The following PDE4D variants were observed in gnomAD, a reference collection of about 807,000 sequenced individuals.
PDE4D encodes phosphodiesterase 4D, also known as 3',5'-cyclic-AMP phosphodiesterase 4D.
PDE4D carries 24 observed loss-of-function variants against 87.4 expected under a neutral mutation model. The observed-to-expected ratio is 0.27, with a 90% CI of 0.20 to 0.39. The LOEUF (loss-of-function observed/expected upper bound fraction) is 0.39. Among genes scored for constraint, PDE4D ranks in the 10% least tolerant of loss-of-function variants. The probability of loss-of-function intolerance (pLI) is 1.00; values close to 1 mark genes in which losing one functional copy is unlikely to be tolerated. For missense variants in PDE4D, 714 were observed against 1,041.0 expected, an observed-to-expected ratio of 0.69 and a Z score of 4.32; for synonymous variants, 384 against 383.2, an observed-to-expected ratio of 1.00 and a Z score of -0.02.
At chr5:59,266,347 T>A (rs1762859700) in intron 1 of PDE4D, among the ~76,000 whole-genome samples, 1 of 151,932 alleles carries the variant, frequency 6.6e-6, no homozygotes, top group Non-Finnish European at 1.5e-5. Context: ...CAGTTTTTCT[T>A]GACCCTACTT....
intron 1 of PDE4D, among the ~76,000 whole-genome samples, chr5:59,739,782 T>A (rs751804228): frequency 3.3e-5 from 5 of 152,172 alleles, no homozygotes; most frequent in Non-Finnish European, 7.3e-5. Context: ...AGGATTGACC[T>A]TCAAGTATGC....
At chr5:60,254,481 T>C (rs1748830801) in intron 1 of PDE4D, among the ~76,000 whole-genome samples, 1 of 151,906 alleles carries the variant, frequency 6.6e-6, no homozygotes, top group African/African-American at 2.4e-5. Context: ...TTTGCCAGAA[T>C]CCATTTGCCC....
intron 2 of PDE4D, among the ~76,000 whole-genome samples, chr5:60,182,406 T>A (rs989064316): frequency 1.3e-5 from 2 of 152,192 alleles, no homozygotes; most frequent in African/African-American, 4.8e-5. Context: ...AAATCAATCA[T>A]CCCTTAAGAA....
At chr5:60,071,834 C>T (rs1582505131) in intron 2 of PDE4D, among the ~76,000 whole-genome samples, 3 of 152,088 alleles carry the variant, frequency 2.0e-5, no homozygotes, top group South Asian at 2.1e-4. Context: ...TCCATGTTCC[C>T]GCAAAGGACA....
chr5:59,078,695 T>C (rs13358675), intron 5 of PDE4D, among the ~76,000 whole-genome samples: 6,855 of 151,976 alleles, frequency 0.045, 531 homozygotes, highest in African/African-American at 0.16. Flanking sequence ...TTTTTTTGTA[T>C]TGATAGGGTT....
intron 2 of PDE4D, among the ~76,000 whole-genome samples, chr5:60,096,055 C>T (rs537024756): frequency 6.6e-6 from 1 of 152,258 alleles, no homozygotes; most frequent in Admixed American, 6.5e-5. Context: ...CCTGTTCACT[C>T]TGATGATACT....
chr5:60,446,133 G>C (rs1272067740), intron 1 of PDE4D, among the ~76,000 whole-genome samples: 1 of 152,066 alleles, frequency 6.6e-6, no homozygotes, highest in Non-Finnish European at 1.5e-5. Flanking sequence ...AACATTTTTA[G>C]AAAACAACAC....
intron 1 of PDE4D, among the ~76,000 whole-genome samples, chr5:60,274,185 C>T (rs1415805751): frequency 6.6e-6 from 1 of 151,980 alleles, no homozygotes; most frequent in African/African-American, 2.4e-5. Context: ...TAGAGAAAAA[C>T]AAGATGAAGT....
chr5:59,811,377 T>C (rs533206656), intron 1 of PDE4D, among the ~76,000 whole-genome samples: 9 of 152,234 alleles, frequency 5.9e-5, no homozygotes, highest in African/African-American at 2.2e-4. Flanking sequence ...ACCAAAAATA[T>C]GCAAGTCTGC....
At chr5:60,509,378 T>C (rs1750469193) in intron 1 of PDE4D, among the ~76,000 whole-genome samples, 1 of 152,238 alleles carries the variant, frequency 6.6e-6, no homozygotes, top group Admixed American at 6.5e-5. Context: ...GCTTAAATTT[T>C]TCACTGCTTC....
chr5:60,145,828 T>A (rs1780939482), intron 2 of PDE4D, among the ~76,000 whole-genome samples: 1 of 152,216 alleles, frequency 6.6e-6, no homozygotes, highest in Non-Finnish European at 1.5e-5. Context: ...TCCTTTGAAA[T>A]CTATCTAAAC....
intron 1 of PDE4D, among the ~76,000 whole-genome samples, chr5:59,317,247 A>G (rs1416432152): frequency 1.3e-5 from 2 of 152,188 alleles, no homozygotes; most frequent in African/African-American, 4.8e-5. Context: ...GAAAGTTTTA[A>G]GAAGGCCACG....
intron 1 of PDE4D, among the ~76,000 whole-genome samples, chr5:60,456,518 T>C (rs1746478484): frequency 6.6e-6 from 1 of 152,198 alleles, no homozygotes; most frequent in South Asian, 2.1e-4. Flanking sequence ...GTAACTCAGG[T>C]GGTCAAATGA....
intron 1 of PDE4D, among the ~76,000 whole-genome samples, chr5:59,825,311 C>T (rs1028322457): frequency 4.8e-4 from 73 of 152,290 alleles, no homozygotes; most frequent in African/African-American, 1.4e-3. Context: ...CCCAGGCCTA[C>T]GCTGAAGAAC....
chr5:59,111,661 G>T (rs1408281534), intron 5 of PDE4D, among the ~76,000 whole-genome samples: 4 of 152,192 alleles, frequency 2.6e-5, no homozygotes, highest in Non-Finnish European at 5.9e-5. Flanking sequence ...AAATCCCAAG[G>T]GGAATGAGAC....
chr5:59,237,308 TC>T (rs2153520386), intron 1 of PDE4D, among the ~76,000 whole-genome samples: 1 of 152,288 alleles, frequency 6.6e-6, no homozygotes, highest in African/African-American at 2.4e-5. Context: ...GTTGGGGGTC[TC>T]CATACCATTT....
intron 1 of PDE4D, among the ~76,000 whole-genome samples, chr5:59,728,829 A>T (rs1159128421): frequency 2.0e-5 from 3 of 152,046 alleles, no homozygotes; most frequent in East Asian, 1.9e-4. Flanking sequence ...ATGGCTGTAG[A>T]TTTCCTAATT....
intron 1 of PDE4D, among the ~76,000 whole-genome samples, chr5:59,778,993 G>A (rs1024152991): frequency 3.3e-5 from 5 of 151,936 alleles, no homozygotes; most frequent in East Asian, 3.9e-4. Flanking sequence ...AATGAAAACC[G>A]TTTCTATTAA....
intron 1 of PDE4D, among the ~76,000 whole-genome samples, chr5:59,277,206 A>G (rs937201531): frequency 1.3e-5 from 2 of 152,118 alleles, no homozygotes; most frequent in African/African-American, 2.4e-5. Flanking sequence ...TCTTACAACA[A>G]ACCCTTCATC....
Sources: allele counts gnomAD v4.1 joint callset (sites outside exome capture counted in the v4.1 genomes callset), GRCh38; gene constraint gnomAD v4.1.1; transcripts MANE v1.5; gene names NCBI Gene and HGNC (gene_info 2026-07-23, HGNC 2026-07-21).